PLGRKT: variants seen among roughly 807,000 people sequenced by gnomAD.
The protein encoded by PLGRKT is plasminogen receptor (KT).
In PLGRKT, 22 loss-of-function variants were observed where a neutral mutation model predicts 18.5. The observed-to-expected ratio is 1.19, with a 90% CI of 0.85 to 1.70. The LOEUF is 1.70. Ranked by LOEUF, PLGRKT falls within the 40% of genes most tolerant of loss-of-function variation. PLGRKT has a pLI of 0.00. For missense variants in PLGRKT, 235 were observed against 174.4 expected (o/e 1.35, Z -1.96); for synonymous variants, 72 against 52.8 (o/e 1.36, Z -1.58).
intron 3 of PLGRKT, among the ~76,000 whole-genome samples, chr9:5,375,774 T>C (rs961078395): frequency 2.0e-5 from 3 of 152,258 alleles, no homozygotes; most frequent in Non-Finnish European, 4.4e-5. Flanking sequence ...ATGCAGTTGC[T>C]GTGGAAAATG....
chr9:5,373,561 T>A (rs1817569376), intron 3 of PLGRKT, among the ~76,000 whole-genome samples: 1 of 152,124 alleles, frequency 6.6e-6, no homozygotes, highest in South Asian at 2.1e-4. Flanking sequence ...GCACTTTGGC[T>A]GGCTGAGGCA....
chr9:5,429,725 G>C (rs1054380087), intron 3 of PLGRKT, among the ~76,000 whole-genome samples: 1 of 152,150 alleles, frequency 6.6e-6, no homozygotes, highest in Admixed American at 6.5e-5. Flanking sequence ...CTCCAAACAA[G>C]ATCACATTCT....
chr9:5,387,372 T>A (rs1817864507), intron 3 of PLGRKT, among the ~76,000 whole-genome samples: 1 of 151,834 alleles, frequency 6.6e-6, no homozygotes, highest in South Asian at 2.1e-4. Flanking sequence ...ACAATTGCCA[T>A]AATAGACTCA....
At chr9:5,404,982 C>A (rs1291922904) in intron 3 of PLGRKT, among the ~76,000 whole-genome samples, 1 of 152,004 alleles carries the variant, frequency 6.6e-6, no homozygotes, top group Non-Finnish European at 1.5e-5. Flanking sequence ...TATATACCAA[C>A]AATAGACAAG....
chr9:5,427,561 C>T (rs757501279), intron 3 of PLGRKT, among the ~76,000 whole-genome samples: 4 of 152,166 alleles, frequency 2.6e-5, no homozygotes, highest in Admixed American at 6.5e-5. Flanking sequence ...GTTACTGTGG[C>T]TAATTTATAA....
At chr9:5,420,827 G>C (rs1586740587) in intron 3 of PLGRKT, among the ~76,000 whole-genome samples, 1 of 152,132 alleles carries the variant, frequency 6.6e-6, no homozygotes, top group South Asian at 2.1e-4. Flanking sequence ...ATTTCAAGAT[G>C]TTGGTACAGC....
At chr9:5,368,571 A>G (rs978131083) in intron 3 of PLGRKT, among the ~76,000 whole-genome samples, 1 of 152,180 alleles carries the variant, frequency 6.6e-6, no homozygotes, top group Non-Finnish European at 1.5e-5. Flanking sequence ...ATAGACACCA[A>G]GGACTACTAG....
At chr9:5,363,130 C>T (rs915673669) in intron 3 of PLGRKT, among the ~76,000 whole-genome samples, 1 of 151,782 alleles carries the variant, frequency 6.6e-6, no homozygotes, top group African/African-American at 2.4e-5. Flanking sequence ...GACCCCATAA[C>T]AGACACTTGG....
At position 5,418,895 on chromosome 9, in the gene PLGRKT, C is replaced by T. The variant is rs939780180; in HGVS notation, c.81+13002G>A. 1 of 976,162 alleles carries T rather than the reference C, an allele frequency of 1.0e-6. No homozygotes were observed. Among genetic ancestry groups the T allele is most frequent in the African/African-American group, 1.6e-5 (1 of 62,020 alleles). The allele number at this position is 976,162 out of a possible 1,614,324, so 60.5% of individuals were successfully genotyped here. A position where few individuals can be genotyped will look rare whatever the true frequency, so the allele number is the denominator to read the frequency against. On this transcript the variant is annotated intron_variant, in intron 3 of 5. Transcript: ENST00000223864. This position sits in a 1 kb window ranked among gnomAD's most constrained non-coding sequence, Gnocchi z 4.2. ...ACTGAACAGCAGGTGTGCTTGCAAT[C>T]CAGCAACTTGGCCTTCACTAGGGGC...
chr9:5,386,590 C>G (rs1425074174), intron 3 of PLGRKT, among the ~76,000 whole-genome samples: 1 of 151,830 alleles, frequency 6.6e-6, no homozygotes, highest in East Asian at 1.9e-4. Context: ...ATAATCAACA[C>G]AGGCACTATA....
chr9:5,428,092 G>A (rs143874934), intron 3 of PLGRKT, among the ~76,000 whole-genome samples: 10 of 152,306 alleles, frequency 6.6e-5, no homozygotes, highest in Non-Finnish European at 1.5e-4. Flanking sequence ...GCGACGTGGC[G>A]ATGGCTGCTG....
intron 3 of PLGRKT, among the ~76,000 whole-genome samples, chr9:5,368,645 T>C (rs987076079): frequency 6.6e-6 from 1 of 152,136 alleles, no homozygotes. Context: ...TGCTCACCAT[T>C]TGGGTGATGG....
chr9:5,382,923 A>C (rs972803131), intron 3 of PLGRKT, among the ~76,000 whole-genome samples: 2 of 152,230 alleles, frequency 1.3e-5, no homozygotes, highest in African/African-American at 4.8e-5. Flanking sequence ...GACTCCCTAT[A>C]GTGGGTTAAA....
intron 3 of PLGRKT, among the ~76,000 whole-genome samples, chr9:5,362,171 A>G (rs1412075855): frequency 6.6e-6 from 1 of 152,230 alleles, no homozygotes; most frequent in African/African-American, 2.4e-5. Flanking sequence ...CCAAGTCTCA[A>G]ATAAATGTCC....
intron 3 of PLGRKT, among the ~76,000 whole-genome samples, chr9:5,407,349 C>A (rs1249707695): frequency 6.6e-6 from 1 of 152,148 alleles, no homozygotes; most frequent in Admixed American, 6.5e-5. Context: ...TTCATACACA[C>A]AAAGAAAACA....
chr9:5,402,471 C>T (rs1040181848), intron 3 of PLGRKT, among the ~76,000 whole-genome samples: 9 of 151,914 alleles, frequency 5.9e-5, no homozygotes, highest in African/African-American at 2.2e-4. Context: ...GAACCCACTG[C>T]CATAGCCAGA....
chr9:5,405,036 A>G lies in PLGRKT; in HGVS notation c.81+26861T>C, dbSNP rs1818228845. On this transcript the variant is annotated intron_variant, in intron 3 of 5. Transcript: ENST00000223864. ...ATGAACTCCCATTCACAACTGCCAC[A>G]AAGAAAATAAAATGCCTAGGAATAC... 2.6e-5 allele frequency among the ~76,000 whole-genome samples: 4 copies of G among 152,276 alleles called. 1 individual carries two copies. In the South Asian group the frequency reaches 6.2e-4, roughly 24 times the overall value.
intron 3 of PLGRKT, among the ~76,000 whole-genome samples, chr9:5,372,045 G>A (rs1045752762): frequency 7.5e-6 from 1 of 132,970 alleles, no homozygotes; most frequent in Non-Finnish European, 1.5e-5. Flanking sequence ...GCAGTGGCGC[G>A]ATATTGGCTC....
intron 3 of PLGRKT, among the ~76,000 whole-genome samples, chr9:5,402,021 G>A (rs79890104): frequency 0.013 from 1,899 of 151,614 alleles, 75 homozygotes; most frequent in African/African-American, 0.044. Context: ...TGTAATTATC[G>A]CAGGTATGTA....
Sources: allele counts gnomAD v4.1 joint callset (sites outside exome capture counted in the v4.1 genomes callset), GRCh38; gene constraint gnomAD v4.1.1; non-coding constraint Gnocchi (gnomAD v3.1); transcripts MANE v1.5; gene names NCBI Gene and HGNC (gene_info 2026-07-23, HGNC 2026-07-21).